Variants in EDA observed in about 807,000 individuals in gnomAD.
EDA encodes the protein ectodysplasin A, also known as ectodysplasin-A.
EDA carries 2 observed loss-of-function variants against 23.6 expected under a neutral mutation model. The observed-to-expected ratio is 0.08, with a 90% CI of 0.03 to 0.27. EDA has a LOEUF of 0.27. EDA is among the 10% of genes least tolerant of loss of function. The probability of loss-of-function intolerance (pLI) is 1.00; values close to 1 mark genes in which losing one functional copy is unlikely to be tolerated. For synonymous variants in EDA, 131 were observed against 132.0 expected, an observed-to-expected ratio of 0.99 and a Z score of 0.05; for missense variants, 229 against 324.2, an observed-to-expected ratio of 0.71 and a Z score of 2.26.
chrX:69,735,258 A>T (rs2013211631), intron 1 of EDA, among the ~76,000 whole-genome samples: 2 of 101,334 alleles, frequency 2.0e-5, no homozygotes, highest in Admixed American at 2.1e-4. Context: ...ATATACACAT[A>T]CAAATGGCAT....
intron 1 of EDA, among the ~76,000 whole-genome samples, chrX:69,839,277 GTTTC>G (rs938987789): frequency 1.8e-5 from 2 of 111,732 alleles, no homozygotes; most frequent in East Asian, 2.8e-4. Context: ...AGAAAAATGA[GTTTC>G]TTTATCTCCT....
intron 1 of EDA, among the ~76,000 whole-genome samples, chrX:69,788,547 G>T (rs894148454): frequency 9.0e-6 from 1 of 111,611 alleles, no homozygotes; most frequent in African/African-American, 3.3e-5. Flanking sequence ...TGGAGTTCCT[G>T]GCCGTGTGAG....
intron 1 of EDA, among the ~76,000 whole-genome samples, chrX:69,617,512 T>A (rs184444169): frequency 9.0e-6 from 1 of 110,769 alleles, no homozygotes; most frequent in East Asian, 2.8e-4. Context: ...CCAAGAGCAG[T>A]TTTGTTTGTT....
At chrX:69,865,690 C>T (rs2017474521) in intron 1 of EDA, among the ~76,000 whole-genome samples, 1 of 111,573 alleles carries the variant, frequency 9.0e-6, no homozygotes, top group Non-Finnish European at 1.9e-5. Context: ...TTAACCATCA[C>T]AAGTCCACCC....
intron 1 of EDA, among the ~76,000 whole-genome samples, chrX:69,725,123 A>G (rs2012742462): frequency 8.9e-6 from 1 of 112,128 alleles, no homozygotes; most frequent in Admixed American, 9.5e-5. Flanking sequence ...TTCTCCACAG[A>G]TCTGACTGAA....
chrX:69,781,311 A>C (rs1458726622), intron 1 of EDA, among the ~76,000 whole-genome samples: 1 of 111,442 alleles, frequency 9.0e-6, no homozygotes, highest in Non-Finnish European at 1.9e-5. Context: ...CTTATGAGGA[A>C]CTGCTAGATT....
In EDA at chrX:69,629,820, C is replaced by T. The variant is rs963044412; in HGVS notation, c.396+13116C>T. On this transcript the variant is annotated intron_variant, in intron 1 of 7. Transcript: ENST00000374552. ...CTTGATTTCCTCAATACAGCAAGTC[C>T]TTACCTTCAAAATGCTTTCGGAATT... Among the ~76,000 whole-genome samples, 19 of 111,400 alleles carry T rather than the reference C, an allele frequency of 1.7e-4. 1 individual carries two copies. The highest frequency in any genetic ancestry group is 6.2e-4 in the African/African-American group (19 of 30,627).
intron 1 of EDA, among the ~76,000 whole-genome samples, chrX:69,699,658 A>G (rs1377236294): frequency 9.0e-6 from 1 of 111,032 alleles, no homozygotes; most frequent in Non-Finnish European, 1.9e-5. Flanking sequence ...AACAATCTGG[A>G]GGGTGGGTCC....
chrX:69,776,115 C>T (rs1302252450), intron 1 of EDA, among the ~76,000 whole-genome samples: 1 of 111,760 alleles, frequency 8.9e-6, no homozygotes, highest in Admixed American at 9.6e-5. Flanking sequence ...TGCAGAAGCT[C>T]TTTACTATAA....
At chrX:70,008,415 C>T (rs1262681152) in intron 2 of EDA, among the ~76,000 whole-genome samples, 1 of 112,015 alleles carries the variant, frequency 8.9e-6, no homozygotes, top group Non-Finnish European at 1.9e-5. Context: ...TCATATGATT[C>T]TTCTTTAACC....
chrX:69,909,918 T>G (rs2018234094), intron 1 of EDA, among the ~76,000 whole-genome samples: 1 of 111,512 alleles, frequency 9.0e-6, no homozygotes, highest in African/African-American at 3.3e-5. Flanking sequence ...CTTGAACCTT[T>G]TTTACCCATT....
intron 1 of EDA, among the ~76,000 whole-genome samples, chrX:69,932,726 G>C (rs1424847912): frequency 2.7e-5 from 3 of 111,662 alleles, no homozygotes; most frequent in Non-Finnish European, 5.6e-5. Context: ...ATGTTTCACT[G>C]TTCCAACCCT....
intron 2 of EDA, among the ~76,000 whole-genome samples, chrX:69,972,632 C>G (rs749492631): frequency 1.1e-3 from 122 of 111,894 alleles, no homozygotes; most frequent in Non-Finnish European, 2.1e-3. Context: ...CACTTATTTT[C>G]TATGAAACTT....
chrX:69,987,571 C>T (rs776850547), intron 2 of EDA, among the ~76,000 whole-genome samples: 1 of 109,576 alleles, frequency 9.1e-6, no homozygotes, highest in Non-Finnish European at 1.9e-5. Flanking sequence ...ATAACTGCCA[C>T]TAAGCACAGA....
intron 2 of EDA, among the ~76,000 whole-genome samples, chrX:70,010,777 C>T (rs764676438): frequency 1.8e-5 from 2 of 111,389 alleles, no homozygotes; most frequent in Non-Finnish European, 3.8e-5. Flanking sequence ...GCAAACGGCA[C>T]GTGTTACATG....
At chrX:69,830,473 A>T (rs906945648) in intron 1 of EDA, among the ~76,000 whole-genome samples, 2 of 112,047 alleles carry the variant, frequency 1.8e-5, no homozygotes, top group South Asian at 7.4e-4. Flanking sequence ...AGCTCCAAGT[A>T]TAGGTAGAAA....
chrX:69,719,795 C>A (rs2012508730), intron 1 of EDA, among the ~76,000 whole-genome samples: 1 of 108,419 alleles, frequency 9.2e-6, no homozygotes, highest in Non-Finnish European at 1.9e-5. Flanking sequence ...TGTTGCGCAG[C>A]CTGGAGTGCA....
intron 7 of EDA, among the ~76,000 whole-genome samples, chrX:70,034,428 C>T (rs972182356): frequency 5.4e-5 from 6 of 111,664 alleles, no homozygotes; most frequent in Non-Finnish European, 1.9e-5. Flanking sequence ...GAGGGAGTGA[C>T]CTTTCATAAA....
chrX:69,961,426 A>T (rs2019101242), intron 2 of EDA, among the ~76,000 whole-genome samples: 1 of 112,440 alleles, frequency 8.9e-6, no homozygotes, highest in Non-Finnish European at 1.9e-5. Context: ...CCAAGAACAA[A>T]TCAGGCTGCA....
Sources: allele counts gnomAD v4.1 joint callset (sites outside exome capture counted in the v4.1 genomes callset), GRCh38; gene constraint gnomAD v4.1.1; transcripts MANE v1.5; gene names NCBI Gene and HGNC (gene_info 2026-07-23, HGNC 2026-07-21).